Variants in IQUB observed in about 807,000 individuals in gnomAD.
IQUB encodes the protein IQ motif and ubiquitin-like domain-containing protein.
IQUB carries 86 observed loss-of-function variants against 86.4 expected under a neutral mutation model. That is an observed-to-expected ratio of 1.00 (90% CI 0.84 to 1.19). The LOEUF (loss-of-function observed/expected upper bound fraction) is 1.19, where lower values mean the gene tolerates loss of function less well. Ranked by LOEUF, IQUB falls within the 50% of genes most tolerant of loss-of-function variation. The probability of loss-of-function intolerance (pLI) is 0.00; values close to 1 mark genes in which losing one functional copy is unlikely to be tolerated. For synonymous variants in IQUB, 289 were observed against 304.5 expected, an observed-to-expected ratio of 0.95 and a Z score of 0.53; for missense variants, 946 against 916.9, an observed-to-expected ratio of 1.03 and a Z score of -0.41.
At chr7:123,520,226 C>CTT (rs879511623) in intron 1 of IQUB, among the ~76,000 whole-genome samples, 1 of 151,918 alleles carries the variant, frequency 6.6e-6, no homozygotes, top group Non-Finnish European at 1.5e-5. Context: ...AGAATATAAG[C>CTT]TTTTTTTACT....
Position 123,479,965 on chromosome 7 carries a change from G to T in IQUB, c.1240C>A (p.Arg414=). 6.2e-7 allele frequency: 1 copy of T among 1,606,500 alleles called. No individual in the cohort carries two copies. Among genetic ancestry groups the T allele is most frequent in the Non-Finnish European group, 8.5e-7 (1 of 1,177,142 alleles). Residue 414 remains arginine (R), a synonymous_variant, in exon 8 of 13, where the codon CGG becomes AGG. Coordinates refer to ENST00000324698, the MANE Select transcript of IQUB (RefSeq NM_178827.5). ...TTAATACGTGTAAGTTCTTCTTGCC[G>T]CCAGACTAGAGGAATAACACAATAG... The part of the protein sequence containing the change: ...EFLYNALEFW[R]QEELTRINQS...
intron 3 of IQUB, among the ~76,000 whole-genome samples, chr7:123,506,702 A>G (rs1411162900): frequency 1.3e-5 from 2 of 152,176 alleles, no homozygotes; most frequent in Non-Finnish European, 1.5e-5. Context: ...GGGGAATACA[A>G]TTCAACATGA....
chr7:123,511,589 C>T (rs145383217), intron 2 of IQUB, among the ~76,000 whole-genome samples: 51 of 152,282 alleles, frequency 3.3e-4, no homozygotes, highest in African/African-American at 1.1e-3. Context: ...TTAGGTACAA[C>T]AATTAATTCC....
chr7:123,533,352 A>G (rs1236871980), intron 1 of IQUB, among the ~76,000 whole-genome samples: 1 of 152,212 alleles, frequency 6.6e-6, no homozygotes, highest in Non-Finnish European at 1.5e-5. Flanking sequence ...ACTGTTTTCT[A>G]TTATAGCCCC....
chr7:123,478,902 T>C (rs1794870748), intron 8 of IQUB, among the ~76,000 whole-genome samples: 1 of 152,048 alleles, frequency 6.6e-6, no homozygotes, highest in Admixed American at 6.6e-5. Context: ...GCAGTGACAG[T>C]AGGCCATTGG....
chr7:123,474,293 G>A (rs900210455), intron 8 of IQUB, among the ~76,000 whole-genome samples: 1 of 152,160 alleles, frequency 6.6e-6, no homozygotes, highest in African/African-American at 2.4e-5. Context: ...CTGGTTGTTT[G>A]TTAATTTTGA....
chr7:123,529,181 T>C (rs76592831), intron 1 of IQUB, among the ~76,000 whole-genome samples: 2,523 of 152,276 alleles, frequency 0.017, 69 homozygotes, highest in African/African-American at 0.057. Context: ...ATTTTATTTC[T>C]CATTGTTAGG....
chr7:123,455,920 T>C (rs1227564698), intron 12 of IQUB, among the ~76,000 whole-genome samples: 1 of 152,086 alleles, frequency 6.6e-6, no homozygotes, highest in African/African-American at 2.4e-5. Context: ...AAAGTGTTTT[T>C]CCACGTTTCC....
At chr7:123,494,854 C>T (rs1436734594) in intron 7 of IQUB, among the ~76,000 whole-genome samples, 1 of 152,064 alleles carries the variant, frequency 6.6e-6, no homozygotes, top group Non-Finnish European at 1.5e-5. Context: ...TCCTAATTAA[C>T]ACCACTAATA....
intron 1 of IQUB, among the ~76,000 whole-genome samples, chr7:123,520,998 G>A (rs1796876648): frequency 6.6e-6 from 1 of 152,112 alleles, no homozygotes; most frequent in Non-Finnish European, 1.5e-5. Context: ...AGGTATGCAT[G>A]GAAATTAGAT....
At chr7:123,519,310 T>C (rs575559283) in intron 1 of IQUB, among the ~76,000 whole-genome samples, 1 of 152,306 alleles carries the variant, frequency 6.6e-6, no homozygotes, top group South Asian at 2.1e-4. Flanking sequence ...CTGCTGGGTA[T>C]ATAACCAAAA....
At chr7:123,455,232 G>A (rs1181695930) in intron 12 of IQUB, among the ~76,000 whole-genome samples, 1 of 151,830 alleles carries the variant, frequency 6.6e-6, no homozygotes, top group Non-Finnish European at 1.5e-5. Flanking sequence ...CTTTGTGCTG[G>A]GAACATTCGA....
At chr7:123,514,753 C>T (rs192421980) in intron 1 of IQUB, among the ~76,000 whole-genome samples, 7 of 152,302 alleles carry the variant, frequency 4.6e-5, no homozygotes, top group Admixed American at 1.3e-4. Context: ...CCTTCCCATG[C>T]TCCCTTTCTT....
intron 7 of IQUB, 78 bp downstream of exon 7, chr7:123,496,618 T>C (rs1458119653): frequency 1.1e-6 from 1 of 875,354 alleles, no homozygotes; most frequent in Non-Finnish European, 1.7e-6. Flanking sequence ...AACACCTTCC[T>C]TTTGTCTGCA....
intron 7 of IQUB, 152 bp downstream of exon 7, chr7:123,496,544 T>C (rs1795712626): frequency 1.9e-6 from 1 of 536,252 alleles, no homozygotes; most frequent in Non-Finnish European, 3.3e-6. Flanking sequence ...ATTCCAAATA[T>C]AAAGTGGTAT....
Position 123,496,699 on chromosome 7 carries a change from C to G in IQUB, c.1231G>C (p.Glu411Gln). Reference sequence around the variant, plus strand: ...GCAAAGCCTGTGTCCAACTTACATTCTAATGCATTATAAAGAAATTCAAAA... The same window carrying G: ...GCAAAGCCTGTGTCCAACTTACATTGTAATGCATTATAAAGAAATTCAAAA... ...EDFEFLYNAL[E>Q]FWRQEELTRI... The change falls in exon 7 of 13, where the codon GAA becomes CAA. Residue 411 changes from glutamate to glutamine, a missense_variant. Physicochemically the swap from Glu to Gln is conservative, Grantham distance 29. Transcript: ENST00000324698. 1.3e-6 allele frequency: 2 copies of G among 1,581,642 alleles called. No homozygotes were observed. The highest frequency in any genetic ancestry group is 1.7e-6 in the Non-Finnish European group (2 of 1,158,214).
Position 123,462,611 on chromosome 7 carries a change from T to C in IQUB, c.1759-1006A>G, listed in dbSNP as rs1794048628. 11 of 239,350 alleles carry C rather than the reference T, an allele frequency of 4.6e-5. No homozygotes were observed. The South Asian group carries it at 4.8e-4, about 10-fold the overall frequency. 14.8% of individuals were successfully genotyped at this position (239,350 alleles called of 1,614,324 possible). On this transcript the variant is annotated intron_variant, in intron 10 of 12. Transcript: ENST00000324698. Reference sequence around the variant, plus strand: ...ATTCTTCGAGAGAAAAGAAGAGTGATCTAGGTGTATGATCAAAGATCAAGA... The same window carrying C: ...ATTCTTCGAGAGAAAAGAAGAGTGACCTAGGTGTATGATCAAAGATCAAGA...
chr7:123,485,139 G>T (rs1205724129), intron 7 of IQUB, among the ~76,000 whole-genome samples: 1 of 152,016 alleles, frequency 6.6e-6, no homozygotes, highest in Non-Finnish European at 1.5e-5. Flanking sequence ...ACCATTGGTT[G>T]GGTGGTTTAA....
chr7:123,498,046 A>AGG (rs780751772), intron 6 of IQUB, among the ~76,000 whole-genome samples: 2 of 151,604 alleles, frequency 1.3e-5, no homozygotes, highest in East Asian at 1.9e-4. Flanking sequence ...AAGAGTGGTG[A>AGG]GTGTCCCAGA....
Sources: gnomAD v4.1 joint callset for allele counts (sites outside exome capture counted in the v4.1 genomes callset) on GRCh38, gnomAD v4.1.1 for gene constraint, MANE v1.5 for transcripts, NCBI Gene and HGNC (gene_info 2026-07-23, HGNC 2026-07-21) for gene names.